The following SLC44A1 variants were observed in gnomAD, a reference collection of about 807,000 sequenced individuals.
SLC44A1 encodes solute carrier family 44 member 1.
SLC44A1 carries 26 observed loss-of-function variants against 79.3 expected under a neutral mutation model. The observed-to-expected ratio is 0.33, with a 90% confidence interval of 0.24 to 0.46. The LOEUF (loss-of-function observed/expected upper bound fraction) is 0.46. Ranked by LOEUF, SLC44A1 falls within the 20% of genes least tolerant of loss-of-function variation. The probability of loss-of-function intolerance (pLI) is 1.00; values close to 1 mark genes in which losing one functional copy is unlikely to be tolerated. For missense variants in SLC44A1, 688 were observed against 798.1 expected, an observed-to-expected ratio of 0.86 and a Z score of 1.66; for synonymous variants, 263 against 286.2, an observed-to-expected ratio of 0.92 and a Z score of 0.82.
intron 1 of SLC44A1, among the ~76,000 whole-genome samples, chr9:105,293,866 G>T (rs1188014453): frequency 1.3e-5 from 2 of 152,182 alleles, no homozygotes; most frequent in African/African-American, 4.8e-5. Flanking sequence ...CTTGGGTTTA[G>T]TTATTAGGGC....
intron 3 of SLC44A1, 52 bp from the exon 4 acceptor site, chr9:105,335,510 AC>A: frequency 7.0e-7 from 1 of 1,438,048 alleles, no homozygotes; most frequent in Non-Finnish European, 9.7e-7. Flanking sequence ...ATATGCAGGG[AC>A]CCACAATGTG....
rs1342544067 is a variant in SLC44A1 at position 105,429,343 on chromosome 9, T to C, written c.1951-8938T>C. 3.3e-5 allele frequency among the ~76,000 whole-genome samples: 5 copies of C among 152,280 alleles called. No homozygotes were observed. In the East Asian group the frequency reaches 9.7e-4, roughly 29 times the overall value. On this transcript the variant is annotated intron_variant, in intron 15 of 15. Coordinates refer to the SLC44A1 transcript ENST00000374724. ...TTTGAGACGAGGTCTGGCTCTGTCA[T>C]CCAGGCTGGAGTGCAGTGGCACGAT... is the stretch of plus-strand genomic sequence containing the variant.
At chr9:105,434,001 A>C (rs923069103) in intron 15 of SLC44A1, among the ~76,000 whole-genome samples, 1 of 152,190 alleles carries the variant, frequency 6.6e-6, no homozygotes, top group Non-Finnish European at 1.5e-5. Context: ...GAAAACTGTA[A>C]ATTACTAAAC....
intron 2 of SLC44A1, among the ~76,000 whole-genome samples, chr9:105,305,843 CTT>C (rs748755778): frequency 7.1e-5 from 6 of 84,962 alleles, no homozygotes; most frequent in Admixed American, 1.3e-4. Context: ...AAAGTGTGTC[CTT>C]TTTTTTTTTT....
At chr9:105,325,375 G>A (rs1010541252) in intron 3 of SLC44A1, among the ~76,000 whole-genome samples, 13 of 152,196 alleles carry the variant, frequency 8.5e-5, no homozygotes, top group Non-Finnish European at 1.9e-4. Flanking sequence ...GTATTCACTC[G>A]TTTTCTGTTG....
At chr9:105,279,558 C>T (rs962098717) in intron 1 of SLC44A1, among the ~76,000 whole-genome samples, 12 of 151,932 alleles carry the variant, frequency 7.9e-5, no homozygotes, top group Admixed American at 5.9e-4. Context: ...CCTCGTGAGC[C>T]GCCCGCCTCG....
intron 1 of SLC44A1, among the ~76,000 whole-genome samples, chr9:105,289,802 GT>G (rs201873898): frequency 1.5e-4 from 21 of 143,862 alleles, no homozygotes; most frequent in African/African-American, 3.8e-4. Context: ...AGTTCTCAGT[GT>G]TTTTTTTTGT....
intron 15 of SLC44A1, among the ~76,000 whole-genome samples, chr9:105,429,683 T>G (rs560460460): frequency 6.6e-6 from 1 of 152,282 alleles, no homozygotes; most frequent in East Asian, 1.9e-4. Flanking sequence ...GAAAAAGTGC[T>G]TACCTCAATG....
At chr9:105,433,623 C>T (rs902545770) in intron 15 of SLC44A1, among the ~76,000 whole-genome samples, 36 of 151,974 alleles carry the variant, frequency 2.4e-4, no homozygotes, top group African/African-American at 8.7e-4. Context: ...CCCCACTCCC[C>T]CGCCGCCCCT....
intron 1 of SLC44A1, chr9:105,294,768 A>T (rs1218810577): frequency 6.7e-6 from 1 of 149,194 alleles, no homozygotes; most frequent in Non-Finnish European, 1.5e-5. Context: ...CCTCTGCCTC[A>T]TTCTGTCTTC....
At chr9:105,429,299 G>A (rs1829361560) in intron 15 of SLC44A1, among the ~76,000 whole-genome samples, 1 of 152,042 alleles carries the variant, frequency 6.6e-6, no homozygotes, top group African/African-American at 2.4e-5. Flanking sequence ...TAATCTTTTT[G>A]GTTTGTTTTC....
rs1398321703 is a variant in SLC44A1, at chr9:105,404,701, T to C, written c.1950+19199T>C. On this transcript the variant is annotated intron_variant, in intron 15 of 15. Coordinates refer to the SLC44A1 transcript ENST00000374724. ...ATACAACAGAGTTGTTATCTCCTTA[T>C]TTTCTGATGCCTAAAGGAGACAGCA... Among the ~76,000 whole-genome samples, 3 of 152,214 alleles carry C rather than the reference T, an allele frequency of 2.0e-5. No homozygotes were observed. In the East Asian group the frequency reaches 5.8e-4, roughly 29 times the overall value.
intron 1 of SLC44A1, among the ~76,000 whole-genome samples, chr9:105,286,610 TGCA>T (rs1830484183): frequency 6.6e-6 from 1 of 152,200 alleles, no homozygotes; most frequent in African/African-American, 2.4e-5. Context: ...CCTTAATACG[TGCA>T]GCTTTTCCTA....
intron 1 of SLC44A1, among the ~76,000 whole-genome samples, chr9:105,257,939 G>A (rs1386909431): frequency 2.0e-5 from 3 of 152,182 alleles, no homozygotes; most frequent in African/African-American, 7.2e-5. Context: ...TTTCAGAGTG[G>A]TTTAAGGAAG....
chr9:105,252,918 AAAAAACAG>A (rs1169728216), intron 1 of SLC44A1, among the ~76,000 whole-genome samples: 1 of 152,234 alleles, frequency 6.6e-6, no homozygotes. Context: ...TTGGCAATTT[AAAAAACAG>A]ATTTACATTT....
At chr9:105,410,527 A>T (rs1473991896) in intron 15 of SLC44A1, among the ~76,000 whole-genome samples, 1 of 152,244 alleles carries the variant, frequency 6.6e-6, no homozygotes, top group Non-Finnish European at 1.5e-5. Context: ...ATACCACTTC[A>T]AACCCACTAG....
intron 15 of SLC44A1, chr9:105,386,506 C>CCACAGGCAGCAAG: frequency 1.2e-6 from 1 of 818,406 alleles, no homozygotes; most frequent in Non-Finnish European, 1.5e-6. Context: ...AACTTGCTGC[C>CCACAGGCAGCAAG]TGTGGGCCGC....
chr9:105,321,728 A>G (rs1376032113), intron 3 of SLC44A1, among the ~76,000 whole-genome samples: 1 of 152,124 alleles, frequency 6.6e-6, no homozygotes, highest in African/African-American at 2.4e-5. Flanking sequence ...CAGAAAATAC[A>G]ATGAAAAATA....
chr9:105,383,117 C>T lies in SLC44A1; in HGVS notation c.1633-6C>T. On this transcript the variant is annotated splice_region_variant and splice_polypyrimidine_tract_variant and intron_variant, in intron 13 of 15. Transcript: ENST00000374720. ...TTAAATATGATCTTTGTTCTCTCTG[C>T]TTCAGGTGCTGATAGTCTGCAGCAC... 1 of 1,596,650 alleles carries T rather than the reference C, an allele frequency of 6.3e-7. No individual in the cohort carries two copies. Among genetic ancestry groups the T allele is most frequent in the South Asian group, 1.1e-5 (1 of 90,686 alleles).
Sources: gnomAD v4.1 joint callset for allele counts (sites outside exome capture counted in the v4.1 genomes callset) on GRCh38, gnomAD v4.1.1 for gene constraint, MANE v1.5 for transcripts, NCBI Gene and HGNC (gene_info 2026-07-23, HGNC 2026-07-21) for gene names.